The following SLC8B1 variants were observed in gnomAD, a reference collection of about 807,000 sequenced individuals.
SLC8B1 encodes the protein mitochondrial sodium/calcium exchanger protein.
In SLC8B1, 52 loss-of-function variants were observed where a neutral mutation model predicts 63.4. The ratio of observed to expected loss-of-function variants is 0.82; its 90% confidence interval spans 0.66 to 1.03. SLC8B1 has a LOEUF of 1.03. SLC8B1 is among the 50% of genes least tolerant of loss of function. SLC8B1 has a pLI of 0.00. For synonymous variants in SLC8B1, 336 were observed against 323.9 expected (o/e 1.04, Z -0.40); for missense variants, 657 against 741.7 (o/e 0.89, Z 1.33).
Position 113,310,373 on chromosome 12 carries a change from G to T in SLC8B1, c.1136-18C>A. The T allele has an allele frequency of 6.2e-7, 1 of 1,609,794 alleles. No individual in the cohort carries two copies. Among genetic ancestry groups the T allele is most frequent in the Non-Finnish European group, 8.5e-7 (1 of 1,178,590 alleles). On this transcript the variant is annotated intron_variant, in intron 11 of 15. Transcript: ENST00000680972. ...GACACCATCTGCAAAGGGAGAGAAA[G>T]GGAGCTGATACCTTCCCAGCACCTC...
rs1956555692 is a variant in SLC8B1 at position 113,300,027 on chromosome 12, C to A, written c.1558-53G>T. 11 of 1,550,378 alleles carry A rather than the reference C, an allele frequency of 7.1e-6. 1 individual carries two copies. The highest frequency in any genetic ancestry group is 6.8e-5 in the South Asian group (6 of 88,164). Reference sequence around the variant, plus strand: ...GAGTCACTGCCCGTCACAGGCCCCGCCCCGTCTGTGGCCAACACAACAATG... The same window carrying A: ...GAGTCACTGCCCGTCACAGGCCCCGACCCGTCTGTGGCCAACACAACAATG... On this transcript the variant is annotated intron_variant, in intron 15 of 15. Transcript: ENST00000680972.
At chr12:113,319,172 C>G in intron 7 of SLC8B1, 101 bp from the exon 8 acceptor site, 1 of 842,844 alleles carries the variant, frequency 1.2e-6, no homozygotes, top group Non-Finnish European at 2.0e-6. Context: ...CGGTGGCAAT[C>G]TGTGTTAGCC....
At chr12:113,311,367 T>A (rs1292979506) in intron 11 of SLC8B1, among the ~76,000 whole-genome samples, 1 of 152,100 alleles carries the variant, frequency 6.6e-6, no homozygotes, top group Admixed American at 6.5e-5. Context: ...GGAGAATCAC[T>A]TGAACTCAGG....
At chr12:113,328,273 C>A (rs1006943817) in intron 2 of SLC8B1, among the ~76,000 whole-genome samples, 1 of 152,184 alleles carries the variant, frequency 6.6e-6, no homozygotes. Flanking sequence ...AAGTGATCCT[C>A]CCGCCTCGGC....
Position 113,307,218 on chromosome 12 carries a change from A to C in SLC8B1, c.1411+473T>G, listed in dbSNP as rs182879173. The stretch of plus-strand genomic sequence containing the variant: ...TGCACAGCACCTCCACATGAATAAG[A>C]AGAAGGTGCTCAAAAAGGTAAGTGG... On this transcript the variant is annotated intron_variant, in intron 13 of 15. Coordinates refer to ENST00000680972, the MANE Select transcript of SLC8B1 (RefSeq NM_001358345.2). 5.6e-3 allele frequency among the ~76,000 whole-genome samples: 841 copies of C among 151,148 alleles called. 8 individuals are homozygous for C. The highest frequency in any genetic ancestry group is 0.019 in the African/African-American group (779 of 41,164).
chr12:113,315,446 CTG>C lies in SLC8B1; in HGVS notation c.1022_1023del (p.Thr341SerfsTer10). The C allele has an allele frequency of 6.2e-7, 1 of 1,602,154 alleles. No homozygotes were observed. Among genetic ancestry groups the C allele is most frequent in the Non-Finnish European group, 8.5e-7 (1 of 1,174,948 alleles). ...KLPVEFLLLLTVPVVDPDKDD... is the reference protein window; with the variant it reads ...KLPVEFLLLLXVPVVDPDKDD... ...TCCTTGTCCGGGTCCACGACGGGGA[CTG>C]TGAGGAGCAGCAGGAACTCCACAGG... On this transcript the variant is annotated frameshift_variant, in exon 11 of 16. Coordinates refer to ENST00000680972, the MANE Select transcript of SLC8B1 (RefSeq NM_001358345.2). LOFTEE classifies it high-confidence loss of function.
At chr12:113,326,460 T>C (rs960400896) in intron 2 of SLC8B1, among the ~76,000 whole-genome samples, 2 of 152,118 alleles carry the variant, frequency 1.3e-5, no homozygotes, top group Non-Finnish European at 2.9e-5. Flanking sequence ...CTTTGCCTCC[T>C]GGGTTCAAAT....
At chr12:113,312,516 G>A (rs890021002) in intron 11 of SLC8B1, among the ~76,000 whole-genome samples, 1 of 152,162 alleles carries the variant, frequency 6.6e-6, no homozygotes, top group Non-Finnish European at 1.5e-5. Flanking sequence ...CTTGGGGGAC[G>A]CCTAGAGATG....
chr12:113,326,211 T>G (rs1593259084), intron 2 of SLC8B1, among the ~76,000 whole-genome samples: 1 of 152,176 alleles, frequency 6.6e-6, no homozygotes, highest in Admixed American at 6.5e-5. Context: ...AAATATTTAC[T>G]GGGGCACAGC....
intron 9 of SLC8B1, 118 bp downstream of exon 9, chr12:113,316,824 G>A: frequency 6.8e-7 from 1 of 1,475,868 alleles, no homozygotes; most frequent in Non-Finnish European, 9.3e-7. Flanking sequence ...GCTGCAGTGA[G>A]AGGTGGGGCC....
At position 113,331,031 on chromosome 12, in the gene SLC8B1, C is replaced by G. The variant is rs1224251840; in HGVS notation, c.156+1692G>C. On this transcript the variant is annotated intron_variant, in intron 2 of 15. Transcript: ENST00000680972. ...CTGCCCTGGGAGGAAGGCCTCTTGC[C>G]TCTAACTCCAGCGTCGTCATTGGTC... 2.6e-5 allele frequency among the ~76,000 whole-genome samples: 4 copies of G among 152,198 alleles called. 1 individual carries two copies. Among genetic ancestry groups the G allele is most frequent in the South Asian group, 2.1e-4 (1 of 4,810 alleles).
chr12:113,307,124 A>G (rs1198944647), intron 13 of SLC8B1, among the ~76,000 whole-genome samples: 2 of 137,308 alleles, frequency 1.5e-5, no homozygotes, highest in East Asian at 4.4e-4. Flanking sequence ...AAAAAAAAAA[A>G]AAAAAAAAAA....
At position 113,312,083 on chromosome 12, in the gene SLC8B1, A is replaced by C. The variant is rs1344670; in HGVS notation, c.1136-1728T>G. Among the ~76,000 whole-genome samples, 1,503 of 151,982 alleles carry C rather than the reference A, an allele frequency of 9.9e-3. 28 individuals carry two copies. Among genetic ancestry groups the C allele is most frequent in the African/African-American group, 0.034 (1,410 of 41,414 alleles). ...GGAAGAGGGGAGTTGGGTAAGATGG[A>C]ATCAAGCAGATCAGGAATAGCACAG... On this transcript the variant is annotated intron_variant, in intron 11 of 15. Coordinates refer to ENST00000680972, the MANE Select transcript of SLC8B1 (RefSeq NM_001358345.2).
At chr12:113,333,194 C>G (rs549738041) in intron 1 of SLC8B1, among the ~76,000 whole-genome samples, 2 of 152,324 alleles carry the variant, frequency 1.3e-5, no homozygotes, top group African/African-American at 4.8e-5. Context: ...CCTACCCAGT[C>G]CCACCTGGCC....
rs1017511349 is a variant in SLC8B1, at chr12:113,320,216, G to T, written c.694+115C>A. 3.1e-6 allele frequency: 4 copies of T among 1,283,108 alleles called. No individual in the cohort carries two copies. The highest frequency in any genetic ancestry group is 4.3e-6 in the Non-Finnish European group (4 of 930,846). 79.5% of individuals were successfully genotyped at this position (1,283,108 alleles called of 1,614,324 possible). Reference sequence around the variant, plus strand: ...AGCTTGAGGAGGGTTTCTGTCACTTGTAATCAAATCAAAGCCCCCACTGAC... The same window carrying T: ...AGCTTGAGGAGGGTTTCTGTCACTTTTAATCAAATCAAAGCCCCCACTGAC... On this transcript the variant is annotated intron_variant, in intron 7 of 15. Coordinates refer to ENST00000680972, the MANE Select transcript of SLC8B1 (RefSeq NM_001358345.2). This position sits in a 1 kb window ranked among gnomAD's most constrained non-coding sequence, Gnocchi z 5.3.
At chr12:113,316,020 T>G (rs539183658) in intron 10 of SLC8B1, among the ~76,000 whole-genome samples, 6 of 152,040 alleles carry the variant, frequency 3.9e-5, no homozygotes, top group Admixed American at 6.6e-5. Flanking sequence ...GTCAGGAGAT[T>G]GAGACCATCC....
chr12:113,306,388 G>C, intron 14 of SLC8B1, 107 bp downstream of exon 14: 2 of 914,776 alleles, frequency 2.2e-6, no homozygotes, highest in African/African-American at 1.7e-5. Context: ...CACATTACCT[G>C]CCCCAGGTGT....
chr12:113,316,764 A>G, intron 9 of SLC8B1, 108 bp from the exon 10 acceptor site: 1 of 1,539,694 alleles, frequency 6.5e-7, no homozygotes. Flanking sequence ...GAGGAGACAA[A>G]GCCCAGTACT....
At position 113,310,366 on chromosome 12, in the gene SLC8B1, A is replaced by T. The variant is rs1956741379; in HGVS notation, c.1136-11T>A. On this transcript the variant is annotated splice_polypyrimidine_tract_variant and intron_variant, in intron 11 of 15. Transcript: ENST00000680972. ...TCTCATAGACACCATCTGCAAAGGG[A>T]GAGAAAGGGAGCTGATACCTTCCCA... is the stretch of plus-strand genomic sequence containing the variant. The T allele has an allele frequency of 1.9e-6, 3 of 1,610,550 alleles. No homozygotes were observed. The highest frequency in any genetic ancestry group is 1.7e-5 in the Admixed American group (1 of 58,874).
Sources: gnomAD v4.1 joint callset for allele counts (sites outside exome capture counted in the v4.1 genomes callset) on GRCh38, gnomAD v4.1.1 for gene constraint, Gnocchi (gnomAD v3.1) non-coding constraint, MANE v1.5 for transcripts, NCBI Gene and HGNC (gene_info 2026-07-23, HGNC 2026-07-21) for gene names.